LYPD6: variants seen among roughly 807,000 people sequenced by gnomAD.
LYPD6 encodes the protein ly6/PLAUR domain-containing protein 6.
Under a neutral mutation model 22.7 loss-of-function variants are expected in LYPD6, and 15 were observed. That is an observed-to-expected ratio of 0.66 (90% CI 0.44 to 1.02). LYPD6 has a LOEUF of 1.02. Ranked by LOEUF, LYPD6 falls within the 50% of genes least tolerant of loss-of-function variation. The probability of loss-of-function intolerance (pLI) is 0.00; values close to 1 mark genes in which losing one functional copy is unlikely to be tolerated. For synonymous variants in LYPD6, 72 were observed against 77.5 expected (o/e 0.93, Z 0.37); for missense variants, 189 against 208.4 (o/e 0.91, Z 0.57).
chr2:149,407,640 T>G (rs563059938), intron 1 of LYPD6, among the ~76,000 whole-genome samples: 1 of 152,304 alleles, frequency 6.6e-6, no homozygotes, highest in East Asian at 1.9e-4. Context: ...TCGTCTAAAT[T>G]TTTTTCAAAC....
At chr2:149,397,376 G>T (rs1682450275) in intron 1 of LYPD6, among the ~76,000 whole-genome samples, 2 of 152,124 alleles carry the variant, frequency 1.3e-5, no homozygotes, top group Non-Finnish European at 2.9e-5. Flanking sequence ...AGAGTAGCCT[G>T]GATTTCTTAC....
chr2:149,355,583 T>C (rs532030487), intron 1 of LYPD6, among the ~76,000 whole-genome samples: 66 of 152,260 alleles, frequency 4.3e-4, no homozygotes, highest in African/African-American at 1.5e-3. Context: ...TACATACATA[T>C]ATATGCACAT....
intron 1 of LYPD6, among the ~76,000 whole-genome samples, chr2:149,332,795 A>G (rs1221120463): frequency 1.3e-5 from 2 of 152,190 alleles, no homozygotes; most frequent in Non-Finnish European, 2.9e-5. Flanking sequence ...TCTGCTCAAT[A>G]TCATTTAGCT....
intron 1 of LYPD6, among the ~76,000 whole-genome samples, chr2:149,385,528 T>C (rs942940991): frequency 6.6e-6 from 1 of 152,348 alleles, no homozygotes; most frequent in South Asian, 2.1e-4. Flanking sequence ...ATTCAGGGAC[T>C]TAGCTGGTCT....
At chr2:149,334,423 A>C (rs567618791) in intron 1 of LYPD6, among the ~76,000 whole-genome samples, 12 of 152,278 alleles carry the variant, frequency 7.9e-5, no homozygotes, top group Non-Finnish European at 1.5e-4. Flanking sequence ...TTTGCTGAGT[A>C]ATATTCCTAC....
intron 1 of LYPD6, among the ~76,000 whole-genome samples, chr2:149,430,272 G>A (rs1014786001): frequency 2.0e-5 from 3 of 152,072 alleles, no homozygotes; most frequent in Non-Finnish European, 4.4e-5. Context: ...GCTAATTTTT[G>A]TGTTTTTAGT....
chr2:149,420,057 C>T (rs1041165865), intron 1 of LYPD6, among the ~76,000 whole-genome samples: 4 of 152,128 alleles, frequency 2.6e-5, no homozygotes, highest in Non-Finnish European at 4.4e-5. Flanking sequence ...CCTGCTTTTC[C>T]GCTATGAATA....
intron 1 of LYPD6, among the ~76,000 whole-genome samples, chr2:149,388,127 A>T (rs1487230965): frequency 6.6e-6 from 1 of 151,398 alleles, no homozygotes; most frequent in African/African-American, 2.4e-5. Flanking sequence ...AGTAACCTAA[A>T]TTTCATTTAG....
intron 1 of LYPD6, among the ~76,000 whole-genome samples, chr2:149,403,189 A>G (rs1361612552): frequency 3.3e-5 from 5 of 152,090 alleles, no homozygotes; most frequent in Non-Finnish European, 7.3e-5. Flanking sequence ...CGCAGTAAAC[A>G]TATGTGTGCA....
rs557193841 is a variant in LYPD6, at chr2:149,391,149, T to C, written c.-71-46489T>C. Among the ~76,000 whole-genome samples the C allele has an allele frequency of 1.5e-3, 227 of 152,312 alleles. 7 individuals carry two copies. In the South Asian group the frequency reaches 0.045, roughly 30 times the overall value. Reference sequence around the variant, plus strand: ...GAAGACACTAGCATTCTCTTGAATGTACACCATATTTGCTTGTCAACTGAT... The same window carrying C: ...GAAGACACTAGCATTCTCTTGAATGCACACCATATTTGCTTGTCAACTGAT... On this transcript the variant is annotated intron_variant, in intron 1 of 4. Coordinates refer to ENST00000334166, the MANE Select transcript of LYPD6 (RefSeq NM_194317.5).
chr2:149,380,581 T>C (rs1280079035), intron 1 of LYPD6, among the ~76,000 whole-genome samples: 1 of 152,200 alleles, frequency 6.6e-6, no homozygotes, highest in Non-Finnish European at 1.5e-5. Context: ...TCTGTGACCA[T>C]AGCAGATGTT....
At chr2:149,466,631 G>T (rs75150341) in intron 3 of LYPD6, among the ~76,000 whole-genome samples, 1 of 152,124 alleles carries the variant, frequency 6.6e-6, no homozygotes, top group Non-Finnish European at 1.5e-5. Flanking sequence ...TTTTGTTAAA[G>T]ATAGAAAAGT....
Position 149,376,256 on chromosome 2 carries a change from C to T in LYPD6, c.-72+45534C>T, listed in dbSNP as rs150161045. Among the ~76,000 whole-genome samples the T allele has an allele frequency of 1.5e-3, 222 of 152,330 alleles. 1 individual carries two copies. Among genetic ancestry groups the T allele is most frequent in the Middle Eastern group, 3.4e-3 (1 of 294 alleles). On this transcript the variant is annotated intron_variant, in intron 1 of 4. Transcript: ENST00000334166. ...GTACAAAAGAAACAGCTCTGTCTAA[C>T]TTGGCAAGATTGAAGAGCTTTCTGG...
chr2:149,405,109 T>C (rs1448523741), intron 1 of LYPD6, among the ~76,000 whole-genome samples: 1 of 151,976 alleles, frequency 6.6e-6, no homozygotes, highest in Non-Finnish European at 1.5e-5. Flanking sequence ...GGATAAGCTT[T>C]TTGATGTGCT....
At chr2:149,347,323 T>C (rs1029052148) in intron 1 of LYPD6, among the ~76,000 whole-genome samples, 6 of 151,944 alleles carry the variant, frequency 3.9e-5, no homozygotes, top group African/African-American at 1.5e-4. Context: ...CACATTGGGG[T>C]TTAGGGTTTC....
At chr2:149,370,977 C>T (rs903121805) in intron 1 of LYPD6, among the ~76,000 whole-genome samples, 30 of 152,140 alleles carry the variant, frequency 2.0e-4, no homozygotes, top group African/African-American at 6.3e-4. Flanking sequence ...AAATAATGAA[C>T]GTAGCTAATG....
chr2:149,413,654 C>T (rs1314201046), intron 1 of LYPD6, among the ~76,000 whole-genome samples: 1 of 152,142 alleles, frequency 6.6e-6, no homozygotes, highest in Non-Finnish European at 1.5e-5. Flanking sequence ...GCCTTTTAAT[C>T]TAGTTGTTAA....
chr2:149,439,706 G>T (rs879583985), intron 2 of LYPD6, among the ~76,000 whole-genome samples: 1 of 152,208 alleles, frequency 6.6e-6, no homozygotes, highest in South Asian at 2.1e-4. Context: ...AATTTCAGAA[G>T]GAGGTCTTGA....
At chr2:149,366,276 T>TGGCAA (rs1411948661) in intron 1 of LYPD6, among the ~76,000 whole-genome samples, 1 of 152,218 alleles carries the variant, frequency 6.6e-6, no homozygotes, top group Non-Finnish European at 1.5e-5. Flanking sequence ...CTCTGATTTG[T>TGGCAA]GGCAGTTACC....
Sources: gnomAD v4.1 joint callset for allele counts (sites outside exome capture counted in the v4.1 genomes callset) on GRCh38, gnomAD v4.1.1 for gene constraint, MANE v1.5 for transcripts, NCBI Gene and HGNC (gene_info 2026-07-23, HGNC 2026-07-21) for gene names.